Variants in STARD13 observed in about 807,000 individuals in gnomAD.
The protein encoded by STARD13 is StAR related lipid transfer domain containing 13.
A neutral mutation model predicts 106.4 loss-of-function variants in STARD13; 62 were observed. That is an observed-to-expected ratio of 0.58 (90% CI 0.48 to 0.72). The LOEUF (loss-of-function observed/expected upper bound fraction) is 0.72, where lower values mean the gene tolerates loss of function less well. Ranked by LOEUF, STARD13 falls within the 30% of genes least tolerant of loss-of-function variation. The pLI, the probability that STARD13 is intolerant of heterozygous loss-of-function variation, is 0.00. For synonymous variants in STARD13, 565 were observed against 553.0 expected, an observed-to-expected ratio of 1.02 and a Z score of -0.31; for missense variants, 1,387 against 1,424.0, an observed-to-expected ratio of 0.97 and a Z score of 0.42.
In STARD13 at chr13:33,165,392, C is replaced by T. The variant is rs1173429347; in HGVS notation, c.268G>A (p.Ala90Thr). 6.2e-7 allele frequency: 1 copy of T among 1,613,814 alleles called. No homozygotes were observed. The highest frequency in any genetic ancestry group is 1.7e-4 in the Middle Eastern group (1 of 6,060). The stretch of plus-strand genomic sequence containing the variant: ...AGAAAATCATGATCATTCTTGACAG[C>T]CACAATGTTGATGGGAAATTGTGAA... ...EDSQFPINIV[A>T]VKNDHDFLEK... The change falls in exon 3 of 14, where the codon GCT becomes ACT. Residue 90 changes from alanine to threonine, a missense_variant. By Grantham distance (58) the Ala-to-Thr change is moderately conservative. Transcript: ENST00000336934.
chr13:33,516,416 T>TA, the STARD13 span, among the ~76,000 whole-genome samples: 3,518 of 151,776 alleles, frequency 0.023, 68 homozygotes, highest in Non-Finnish European at 0.034. Flanking sequence ...TAATTCAAAG[T>TA]AAAAAAACAT....
At chr13:33,124,871 C>T (rs629792) in intron 7 of STARD13, among the ~76,000 whole-genome samples, 16,578 of 152,130 alleles carry the variant, frequency 0.11, 1,166 homozygotes, top group African/African-American at 0.19. Context: ...AAGAGGCAAG[C>T]TATTAAGGCC....
At chr13:33,422,179 T>C in the STARD13 span, among the ~76,000 whole-genome samples, 1 of 152,180 alleles carries the variant, frequency 6.6e-6, no homozygotes, top group Non-Finnish European at 1.5e-5. Flanking sequence ...GATGACATGA[T>C]TGTATAATTA....
At chr13:33,277,095 A>G (rs1266805153) in intron 1 of STARD13, among the ~76,000 whole-genome samples, 1 of 151,936 alleles carries the variant, frequency 6.6e-6, no homozygotes, top group African/African-American at 2.4e-5. Context: ...ACAGTAGTAT[A>G]TAAATTTTCA....
the STARD13 span, among the ~76,000 whole-genome samples, chr13:33,361,790 G>A: frequency 1.3e-5 from 2 of 152,040 alleles, no homozygotes; most frequent in Non-Finnish European, 2.9e-5. Flanking sequence ...GAACAGCAAG[G>A]GGGAAATCCA....
the STARD13 span, among the ~76,000 whole-genome samples, chr13:33,434,893 AGAAGGAAGGAAGGAAG>A: frequency 4.5e-4 from 59 of 130,632 alleles, 1 homozygote; most frequent in East Asian, 1.6e-3. Flanking sequence ...AGGGAAGGAA[AGAAGGAAGGAAGGAAG>A]GAAGGAAGGA....
chr13:33,453,587 T>C, the STARD13 span, among the ~76,000 whole-genome samples: 10 of 152,190 alleles, frequency 6.6e-5, no homozygotes, highest in African/African-American at 2.2e-4. Flanking sequence ...CAATAAGAGA[T>C]GAAGTATATG....
the STARD13 span, among the ~76,000 whole-genome samples, chr13:33,404,332 C>T: frequency 6.6e-6 from 1 of 152,138 alleles, no homozygotes; most frequent in Non-Finnish European, 1.5e-5. Flanking sequence ...AGAATCCAAA[C>T]AGGATGTGTT....
intron 1 of STARD13, among the ~76,000 whole-genome samples, chr13:33,227,430 T>G (rs1003568257): frequency 3.3e-5 from 5 of 152,190 alleles, no homozygotes; most frequent in African/African-American, 9.7e-5. Flanking sequence ...AAAGGAGGCA[T>G]GGAAACTTCC....
chr13:33,477,961 C>T, the STARD13 span, among the ~76,000 whole-genome samples: 1 of 151,086 alleles, frequency 6.6e-6, no homozygotes, highest in Non-Finnish European at 1.5e-5. Flanking sequence ...TGCATCCAGA[C>T]GGTAAGACTT....
the STARD13 span, among the ~76,000 whole-genome samples, chr13:33,499,604 T>TTTCTTC: frequency 0.012 from 484 of 39,724 alleles, 48 homozygotes; most frequent in Middle Eastern, 0.048. Flanking sequence ...CTTCTTCTTC[T>TTTCTTC]TTCTTCTTCT....
At chr13:33,392,239 A>G in the STARD13 span, among the ~76,000 whole-genome samples, 1 of 152,110 alleles carries the variant, frequency 6.6e-6, no homozygotes, top group Admixed American at 6.5e-5. Flanking sequence ...GTTCTTTGCT[A>G]AGTGTTCATG....
At chr13:33,542,208 T>A in the STARD13 span, among the ~76,000 whole-genome samples, 95 of 152,270 alleles carry the variant, frequency 6.2e-4, no homozygotes, top group African/African-American at 2.1e-3. Context: ...CTTCTCAGAA[T>A]AAACACTGAA....
chr13:33,267,315 T>C (rs77640348), intron 1 of STARD13, among the ~76,000 whole-genome samples: 1,861 of 152,224 alleles, frequency 0.012, 39 homozygotes, highest in East Asian at 0.062. Context: ...AATCTCCCAG[T>C]AAAGACAGGC....
In STARD13 at chr13:33,110,032, G is replaced by A. The variant is rs1261673521; in HGVS notation, c.2888C>T (p.Pro963Leu). Residue 963 changes from proline to leucine, a missense_variant, in exon 12 of 14, where the codon CCC (proline) becomes CTC (leucine). Transcript: ENST00000336934. ...CAGCACGCGGTTCAGGACCACTGAGGGGGGTGCTTCCACCTCCACAGAAGC... is the reference window on the plus strand; with the variant it reads ...CAGCACGCGGTTCAGGACCACTGAGAGGGGTGCTTCCACCTCCACAGAAGC... ...WKASVEVEAPPSVVLNRVLRE... is the reference protein window; with the variant it reads ...WKASVEVEAPLSVVLNRVLRE... 3 of 1,614,236 alleles carry A rather than the reference G, an allele frequency of 1.9e-6. No individual in the cohort carries two copies. In the East Asian group the frequency reaches 6.7e-5, roughly 36 times the overall value.
upstream of STARD13, among the ~76,000 whole-genome samples, chr13:33,287,587 T>G (rs1417702106): frequency 6.9e-6 from 1 of 144,736 alleles, no homozygotes; most frequent in Non-Finnish European, 1.5e-5. Flanking sequence ...CCTAAGGAAC[T>G]GCTCGGCAGA....
chr13:33,331,130 C>G (rs61267111), intron 1 of STARD13, among the ~76,000 whole-genome samples: 3,037 of 152,240 alleles, frequency 0.02, 100 homozygotes, highest in African/African-American at 0.068. Flanking sequence ...CTCTGACCCC[C>G]CTTGCTAGTC....
the STARD13 span, among the ~76,000 whole-genome samples, chr13:33,410,051 A>G: frequency 6.6e-6 from 1 of 152,218 alleles, no homozygotes; most frequent in Non-Finnish European, 1.5e-5. Context: ...ATAGCATGTC[A>G]GAATTCCTCT....
At chr13:33,430,873 T>C in the STARD13 span, among the ~76,000 whole-genome samples, 4 of 152,210 alleles carry the variant, frequency 2.6e-5, no homozygotes, top group East Asian at 7.7e-4. Flanking sequence ...GTGGATCTTA[T>C]GAAGACAGAA....
Sources: allele counts gnomAD v4.1 joint callset (sites outside exome capture counted in the v4.1 genomes callset), GRCh38; gene constraint gnomAD v4.1.1; transcripts MANE v1.5; gene names NCBI Gene and HGNC (gene_info 2026-07-23, HGNC 2026-07-21).